DCDC1: variants seen among roughly 807,000 people sequenced by gnomAD.
The protein encoded by DCDC1 is doublecortin domain containing 1.
DCDC1 carries 200 observed loss-of-function variants against 178.3 expected under a neutral mutation model. That is an observed-to-expected ratio of 1.12 (90% CI 1.00 to 1.26). The LOEUF (loss-of-function observed/expected upper bound fraction) is 1.26. Among genes scored for constraint, DCDC1 ranks in the 50% most tolerant of loss-of-function variants. DCDC1 has a pLI of 0.00. For synonymous variants in DCDC1, 690 were observed against 604.8 expected, an observed-to-expected ratio of 1.14 and a Z score of -2.07; for missense variants, 1,983 against 1,749.2, an observed-to-expected ratio of 1.13 and a Z score of -2.38.
intron 38 of DCDC1, among the ~76,000 whole-genome samples, chr11:30,868,242 C>CTTT (rs35180579): frequency 2.6e-4 from 16 of 61,072 alleles, no homozygotes; most frequent in African/African-American, 1.1e-3. Context: ...TTCATACCTG[C>CTTT]TTTTTTTTTT....
At chr11:30,894,146 C>T (rs920295318) in intron 35 of DCDC1, 102 bp downstream of exon 35, 2 of 1,446,646 alleles carry the variant, frequency 1.4e-6, no homozygotes, top group Non-Finnish European at 1.8e-6. Flanking sequence ...TGATCAGATG[C>T]TGAGAATATA....
intron 20 of DCDC1, among the ~76,000 whole-genome samples, chr11:31,019,554 A>G (rs774743946): frequency 7.2e-5 from 11 of 152,206 alleles, no homozygotes; most frequent in Non-Finnish European, 1.3e-4. Flanking sequence ...AATGTCCACA[A>G]GAATTGTTTT....
intron 21 of DCDC1, chr11:30,944,417 C>T: frequency 2.2e-6 from 1 of 447,622 alleles, no homozygotes; most frequent in African/African-American, 2.0e-5. Flanking sequence ...ATTATTTATG[C>T]TTATAGTACC....
At chr11:30,927,479 T>C (rs1380471663) in intron 22 of DCDC1, among the ~76,000 whole-genome samples, 1 of 152,004 alleles carries the variant, frequency 6.6e-6, no homozygotes, top group African/African-American at 2.4e-5. Flanking sequence ...TTACATAATA[T>C]AAATACAACA....
At chr11:31,128,611 G>A (rs942343045) in intron 10 of DCDC1, among the ~76,000 whole-genome samples, 1 of 152,132 alleles carries the variant, frequency 6.6e-6, no homozygotes, top group Non-Finnish European at 1.5e-5. Flanking sequence ...AGAATTATGA[G>A]TAAGTTTGAA....
intron 20 of DCDC1, among the ~76,000 whole-genome samples, chr11:31,014,773 G>A (rs921110694): frequency 6.6e-6 from 1 of 152,050 alleles, no homozygotes; most frequent in Non-Finnish European, 1.5e-5. Flanking sequence ...CCACTCAGTG[G>A]TATTTAGTTG....
intron 21 of DCDC1, among the ~76,000 whole-genome samples, chr11:30,942,608 T>G (rs1258915462): frequency 6.6e-6 from 1 of 152,206 alleles, no homozygotes; most frequent in Non-Finnish European, 1.5e-5. Flanking sequence ...ATCCCAAGTA[T>G]GCTATATTTC....
chr11:30,987,603 A>G (rs914767640), intron 20 of DCDC1, among the ~76,000 whole-genome samples: 1 of 152,138 alleles, frequency 6.6e-6, no homozygotes, highest in Non-Finnish European at 1.5e-5. Context: ...GGCTATATTT[A>G]AGCTGAGATT....
chr11:31,294,810 GA>G (rs1250781762), intron 6 of DCDC1, among the ~76,000 whole-genome samples: 2 of 48,960 alleles, frequency 4.1e-5, no homozygotes, highest in Non-Finnish European at 9.0e-5. Context: ...AAGAAAGAAA[GA>G]AAGAAAGAAA....
chr11:31,274,825 C>T (rs1328823554), intron 7 of DCDC1, among the ~76,000 whole-genome samples: 2 of 151,878 alleles, frequency 1.3e-5, no homozygotes, highest in Admixed American at 6.6e-5. Context: ...CTCAGTCTCC[C>T]GAGTAGCTGG....
At chr11:31,227,033 A>G (rs1221543010) in intron 9 of DCDC1, among the ~76,000 whole-genome samples, 1 of 152,202 alleles carries the variant, frequency 6.6e-6, no homozygotes, top group East Asian at 1.9e-4. Context: ...AAGATGGAGT[A>G]TAAAAAGCTA....
chr11:31,313,627 G>GT (rs1948895900), intron 3 of DCDC1, among the ~76,000 whole-genome samples: 1 of 152,136 alleles, frequency 6.6e-6, no homozygotes, highest in Non-Finnish European at 1.5e-5. Flanking sequence ...CTAAAATTCA[G>GT]TAAGTTGTAT....
chr11:31,086,196 T>G (rs575957771), intron 17 of DCDC1, among the ~76,000 whole-genome samples: 4 of 152,320 alleles, frequency 2.6e-5, no homozygotes, highest in Admixed American at 6.5e-5. Flanking sequence ...ACTAAACCAC[T>G]TTATATTTCC....
chr11:31,100,936 T>C (rs1404384305), intron 15 of DCDC1, among the ~76,000 whole-genome samples: 2 of 152,196 alleles, frequency 1.3e-5, no homozygotes, highest in Admixed American at 1.3e-4. Flanking sequence ...AAGTACATCA[T>C]TCTAGTTACT....
At chr11:31,220,932 G>A (rs758314641) in intron 9 of DCDC1, among the ~76,000 whole-genome samples, 5 of 152,068 alleles carry the variant, frequency 3.3e-5, no homozygotes, top group Non-Finnish European at 5.9e-5. Flanking sequence ...CAGATCTCTG[G>A]TGCCTCTTCT....
intron 9 of DCDC1, among the ~76,000 whole-genome samples, chr11:31,184,327 T>C (rs572986526): frequency 8.5e-5 from 13 of 152,300 alleles, no homozygotes; most frequent in African/African-American, 2.9e-4. Context: ...CCTAACACCA[T>C]GAAAACCCTA....
At chr11:31,130,721 T>C (rs903166762) in intron 10 of DCDC1, among the ~76,000 whole-genome samples, 2 of 152,184 alleles carry the variant, frequency 1.3e-5, no homozygotes, top group African/African-American at 4.8e-5. Context: ...CCTTTAACTG[T>C]AAATTCAAAT....
intron 10 of DCDC1, among the ~76,000 whole-genome samples, chr11:31,132,473 G>A (rs988431668): frequency 2.0e-5 from 3 of 152,082 alleles, no homozygotes; most frequent in African/African-American, 7.2e-5. Flanking sequence ...AAGGGGGAAA[G>A]TGTTCTTTAA....
chr11:31,273,999 A>G (rs1197144395), intron 7 of DCDC1, among the ~76,000 whole-genome samples: 2 of 152,108 alleles, frequency 1.3e-5, no homozygotes, highest in African/African-American at 4.8e-5. Flanking sequence ...CCCATGACTC[A>G]ATTACCTCCC....
Sources: allele counts gnomAD v4.1 joint callset (sites outside exome capture counted in the v4.1 genomes callset), GRCh38; gene constraint gnomAD v4.1.1; transcripts MANE v1.5; gene names NCBI Gene and HGNC (gene_info 2026-07-23, HGNC 2026-07-21).